The following ATP8B4 variants were observed in gnomAD, a reference collection of about 807,000 sequenced individuals.
ATP8B4 encodes the protein probable phospholipid-transporting ATPase IM.
ATP8B4 carries 133 observed loss-of-function variants against 145.6 expected under a neutral mutation model. The observed-to-expected ratio is 0.91, with a 90% CI of 0.79 to 1.05. The LOEUF (loss-of-function observed/expected upper bound fraction) is 1.05, where lower values mean the gene tolerates loss of function less well. Ranked by LOEUF, ATP8B4 falls within the 50% of genes least tolerant of loss-of-function variation. The pLI is 0.00. For missense variants in ATP8B4, 1,458 were observed against 1,425.2 expected, an observed-to-expected ratio of 1.02 and a Z score of -0.37; for synonymous variants, 507 against 492.9, an observed-to-expected ratio of 1.03 and a Z score of -0.38.
intron 1 of ATP8B4, among the ~76,000 whole-genome samples, chr15:50,179,042 G>A (rs1487193106): frequency 6.6e-6 from 1 of 152,176 alleles, no homozygotes; most frequent in South Asian, 2.1e-4. Context: ...GTGGAAAGTG[G>A]TAAGAACAAG....
At chr15:50,112,764 T>G (rs140272117) in intron 1 of ATP8B4, among the ~76,000 whole-genome samples, 2 of 152,118 alleles carry the variant, frequency 1.3e-5, no homozygotes, top group African/African-American at 4.8e-5. Flanking sequence ...CATAAAAGTG[T>G]GTTCCCTCCA....
chr15:50,037,002 AAATGAT>A lies in ATP8B4; in HGVS notation c.362+1760_362+1765del, dbSNP rs1359054932. On this transcript the variant is annotated intron_variant, in intron 6 of 27. Transcript: ENST00000284509. Reference sequence around the variant, plus strand: ...AAGAAAGTAACACTAACACTATTTCAAATGATAATGATAATGACAGTCACCATGTGT... The same window carrying A: ...AAGAAAGTAACACTAACACTATTTCAAATGATAATGACAGTCACCATGTGT... 4.6e-5 allele frequency among the ~76,000 whole-genome samples: 7 copies of A among 152,368 alleles called. No individual in the cohort carries two copies. The East Asian group carries it at 1.3e-3, about 29-fold the overall frequency.
intron 1 of ATP8B4, among the ~76,000 whole-genome samples, chr15:50,143,749 G>A (rs894495313): frequency 6.6e-6 from 1 of 152,136 alleles, no homozygotes; most frequent in Non-Finnish European, 1.5e-5. Flanking sequence ...AACAGGGAGG[G>A]ATGATTCTGC....
At chr15:50,180,998 T>C (rs1303187029) in intron 1 of ATP8B4, among the ~76,000 whole-genome samples, 1 of 152,098 alleles carries the variant, frequency 6.6e-6, no homozygotes, top group Non-Finnish European at 1.5e-5. Flanking sequence ...AGCTAAGAGT[T>C]GGTTCCCCGG....
At chr15:50,146,176 C>G (rs4775858) in intron 1 of ATP8B4, among the ~76,000 whole-genome samples, 39,058 of 151,964 alleles carry the variant, frequency 0.26, 5,630 homozygotes, top group East Asian at 0.49. Context: ...CCGTGCCCAG[C>G]TAATTTTTTG....
intron 1 of ATP8B4, among the ~76,000 whole-genome samples, chr15:50,170,954 GA>G (rs1339227762): frequency 2.0e-5 from 3 of 152,176 alleles, no homozygotes; most frequent in African/African-American, 7.2e-5. Flanking sequence ...GTGGTTAAAA[GA>G]GATGAAGAGA....
At chr15:50,054,525 G>A (rs28606559) in intron 3 of ATP8B4, among the ~76,000 whole-genome samples, 2,080 of 152,054 alleles carry the variant, frequency 0.014, 52 homozygotes, top group African/African-American at 0.048. Flanking sequence ...GGCTCACGCC[G>A]GTAATCCCAG....
intron 23 of ATP8B4, among the ~76,000 whole-genome samples, chr15:49,890,081 C>A (rs2036626692): frequency 6.6e-6 from 1 of 152,212 alleles, no homozygotes; most frequent in Non-Finnish European, 1.5e-5. Context: ...AAAATAAAAT[C>A]TTTCCCAGAC....
At chr15:50,003,274 ATGTGTGTGTGTGTGTGTGTGTG>A (rs10539979) in intron 7 of ATP8B4, among the ~76,000 whole-genome samples, 1 of 141,088 alleles carries the variant, frequency 7.1e-6, no homozygotes, top group Non-Finnish European at 1.5e-5. Flanking sequence ...TAGGGTGTGC[ATGTGTGTGTGTGTGTGTGTGTG>A]TGTGTGTGTG....
At chr15:49,866,035 C>T (rs898260468) in intron 26 of ATP8B4, among the ~76,000 whole-genome samples, 2 of 152,208 alleles carry the variant, frequency 1.3e-5, no homozygotes, top group African/African-American at 2.4e-5. Context: ...CATATATGAG[C>T]ATTTGACAGG....
chr15:49,953,036 G>A (rs538030408), intron 14 of ATP8B4, among the ~76,000 whole-genome samples: 38 of 152,210 alleles, frequency 2.5e-4, no homozygotes, highest in Admixed American at 5.9e-4. Flanking sequence ...CCCATGCCTG[G>A]AGATGTCACT....
chr15:50,027,392 T>TGGATGGATGGATGGAC (rs2050091217), intron 6 of ATP8B4, among the ~76,000 whole-genome samples: 1 of 151,878 alleles, frequency 6.6e-6, no homozygotes, highest in African/African-American at 2.4e-5. Flanking sequence ...GATGGATGGA[T>TGGATGGATGGATGGAC]GGATGGATGG....
intron 14 of ATP8B4, among the ~76,000 whole-genome samples, chr15:49,954,715 C>T (rs796199187): frequency 4.3e-4 from 65 of 152,122 alleles, no homozygotes; most frequent in African/African-American, 1.5e-3. Context: ...GATACTTACA[C>T]GCTCTTGGTG....
chr15:49,985,783 A>G (rs2046552151), intron 10 of ATP8B4, among the ~76,000 whole-genome samples: 1 of 152,172 alleles, frequency 6.6e-6, no homozygotes, highest in African/African-American at 2.4e-5. Flanking sequence ...GAAGCAGAAA[A>G]GGAAGGAAAA....
At chr15:49,862,449 C>G (rs1208436791) in intron 26 of ATP8B4, 74 bp from the exon 27 acceptor site, 7 of 1,496,258 alleles carry the variant, frequency 4.7e-6, no homozygotes, top group Middle Eastern at 3.7e-4. Context: ...GTTCTTTGTT[C>G]CTACAAGATC....
intron 1 of ATP8B4, among the ~76,000 whole-genome samples, chr15:50,160,120 C>G (rs1481558431): frequency 2.3e-5 from 3 of 131,500 alleles, no homozygotes; most frequent in African/African-American, 8.5e-5. Flanking sequence ...ATGGTTAAAT[C>G]TTGGTAGGTT....
intron 25 of ATP8B4, among the ~76,000 whole-genome samples, chr15:49,871,277 C>G (rs991670708): frequency 6.6e-6 from 1 of 152,140 alleles, no homozygotes; most frequent in South Asian, 2.1e-4. Flanking sequence ...TCCAGTGTTT[C>G]CTTTACGCTC....
intron 14 of ATP8B4, among the ~76,000 whole-genome samples, chr15:49,935,943 C>G (rs935195): frequency 0.55 from 82,801 of 151,868 alleles, 23,596 homozygotes; most frequent in African/African-American, 0.63. Context: ...GGTAAGATGA[C>G]GTTATTACCC....
chr15:49,956,089 T>G (rs1006100060), intron 14 of ATP8B4, among the ~76,000 whole-genome samples: 1 of 152,204 alleles, frequency 6.6e-6, no homozygotes, highest in African/African-American at 2.4e-5. Flanking sequence ...ATGATCCCTA[T>G]TAAGGGATTA....
Sources: allele counts gnomAD v4.1 joint callset (sites outside exome capture counted in the v4.1 genomes callset), GRCh38; gene constraint gnomAD v4.1.1; transcripts MANE v1.5; gene names NCBI Gene and HGNC (gene_info 2026-07-23, HGNC 2026-07-21).